Variants in PDE6C observed in about 807,000 individuals in gnomAD.
The protein encoded by PDE6C is phosphodiesterase 6C, also known as cone cGMP-specific 3',5'-cyclic phosphodiesterase subunit alpha'.
Under a neutral mutation model 113.1 loss-of-function variants are expected in PDE6C, and 75 were observed. The observed-to-expected ratio is 0.66, with a 90% CI of 0.55 to 0.80. The LOEUF (loss-of-function observed/expected upper bound fraction) is 0.80. Ranked by LOEUF, PDE6C falls within the 30% of genes least tolerant of loss-of-function variation. The pLI, the probability that PDE6C is intolerant of heterozygous loss-of-function variation, is 0.00. For synonymous variants in PDE6C, 375 were observed against 363.7 expected (o/e 1.03, Z -0.35); for missense variants, 912 against 1,038.6 (o/e 0.88, Z 1.67).
At chr10:93,635,404 A>G (rs2058523381) in intron 9 of PDE6C, 93 bp from the exon 10 acceptor site, 5 of 942,530 alleles carry the variant, frequency 5.3e-6, no homozygotes, top group South Asian at 1.3e-5. Context: ...TTGATGATGG[A>G]AGGGAGATGG....
intron 15 of PDE6C, among the ~76,000 whole-genome samples, chr10:93,646,416 T>C (rs756048411): frequency 7.2e-5 from 11 of 152,202 alleles, no homozygotes; most frequent in South Asian, 2.1e-4. Flanking sequence ...CTTTAGAGCA[T>C]GGTCTATGCC....
intron 11 of PDE6C, among the ~76,000 whole-genome samples, chr10:93,639,387 C>T (rs1012360430): frequency 1.3e-5 from 2 of 152,208 alleles, no homozygotes; most frequent in Admixed American, 6.5e-5. Flanking sequence ...TTTCTCAAGT[C>T]GCACCAATGC....
At chr10:93,662,459 TCAA>T (rs2058670318) in intron 19 of PDE6C, 98 bp from the exon 20 acceptor site, 1 of 424,952 alleles carries the variant, frequency 2.4e-6, no homozygotes, top group Admixed American at 4.3e-5. Context: ...AGACTCTGCC[TCAA>T]AAAAAAAAAA....
In PDE6C at chr10:93,640,172, T is replaced by C; in HGVS notation, c.1585T>C (p.Phe529Leu). ...HGLIKCGIRL[F>L]FEINVVEKFK... is the part of the protein sequence containing the mutation. ...ATTGATTAAATGTGGAATACGACTGTTTTTTGAAATAAATGTGGTGGAGAA... is the reference window on the plus strand; with the variant it reads ...ATTGATTAAATGTGGAATACGACTGCTTTTTGAAATAAATGTGGTGGAGAA... Residue 529 changes from phenylalanine to leucine, a missense_variant, in exon 12 of 22, where the codon TTT (phenylalanine) becomes CTT (leucine). By Grantham distance (22) the Phe-to-Leu change is conservative (BLOSUM62 0). Transcript: ENST00000371447. 1 of 1,613,536 alleles carries C rather than the reference T, an allele frequency of 6.2e-7. No homozygotes were observed. Among genetic ancestry groups the C allele is most frequent in the African/African-American group, 1.3e-5 (1 of 75,016 alleles).
rs550785384 is a variant in PDE6C at position 93,641,830 on chromosome 10, G to A, written c.1847+801G>A. On this transcript the variant is annotated intron_variant, in intron 14 of 21. Transcript: ENST00000371447. ...TCAGCTGGTCTTCCATCTTAACATC[G>A]ATGCCATCTTTCTCTCTTGCCCCAA... Among the ~76,000 whole-genome samples, 3 of 152,038 alleles carry A rather than the reference G, an allele frequency of 2.0e-5. No individual in the cohort carries two copies. The East Asian group carries it at 5.8e-4, about 29-fold the overall frequency.
intron 15 of PDE6C, among the ~76,000 whole-genome samples, chr10:93,650,865 A>G (rs10882291): frequency 0.47 from 70,502 of 148,598 alleles, 17,316 homozygotes; most frequent in South Asian, 0.56. Flanking sequence ...ACTTTTTCCC[A>G]CATGTCTGTT....
intron 1 of PDE6C, among the ~76,000 whole-genome samples, chr10:93,615,748 T>C (rs990151821): frequency 6.6e-6 from 1 of 152,226 alleles, no homozygotes; most frequent in Non-Finnish European, 1.5e-5. Flanking sequence ...TGAAAACCAC[T>C]GGTCTCTTGG....
At chr10:93,640,618 GA>G in intron 13 of PDE6C, 61 bp downstream of exon 13, 4 of 1,142,396 alleles carry the variant, frequency 3.5e-6, no homozygotes, top group Non-Finnish European at 5.3e-6. Flanking sequence ...AGCATGATGA[GA>G]AATAGGTATG....
rs535191090 is a variant in PDE6C, at chr10:93,620,628, T to A, written c.481-4T>A. The A allele has an allele frequency of 9.3e-5, 150 of 1,613,920 alleles. No individual in the cohort carries two copies. Among genetic ancestry groups the A allele is most frequent in the Non-Finnish European group, 1.2e-4 (146 of 1,179,934 alleles). ...TTTGACAAATATGTGACTGTCTCTT[T>A]CAGAACAGCCATTTTTCTGACTTCA... On this transcript the variant is annotated splice_polypyrimidine_tract_variant and splice_region_variant and intron_variant, in intron 1 of 21. Transcript: ENST00000371447.
intron 15 of PDE6C, among the ~76,000 whole-genome samples, chr10:93,654,770 CTT>C (rs1311991455): frequency 4.3e-5 from 2 of 46,950 alleles, no homozygotes; most frequent in Non-Finnish European, 7.9e-5. Flanking sequence ...TTCTTTCTTT[CTT>C]TCTTTCTTTC....
At chr10:93,626,466 G>A (rs926666247) in intron 5 of PDE6C, among the ~76,000 whole-genome samples, 174 bp from the exon 6 acceptor site, 2 of 152,072 alleles carry the variant, frequency 1.3e-5, no homozygotes, top group Non-Finnish European at 2.9e-5. Flanking sequence ...AATATTTCTG[G>A]TTTTATTATA....
intron 16 of PDE6C, among the ~76,000 whole-genome samples, chr10:93,658,690 CTG>C (rs199800019): frequency 0.059 from 6,807 of 116,002 alleles, 166 homozygotes; most frequent in Middle Eastern, 0.11. Context: ...CTCTCTCTCT[CTG>C]TATGGTTTGT....
intron 1 of PDE6C, among the ~76,000 whole-genome samples, chr10:93,618,179 T>C (rs2058428903): frequency 6.6e-6 from 1 of 152,058 alleles, no homozygotes; most frequent in Non-Finnish European, 1.5e-5. Context: ...AAATTAAAAC[T>C]AGAAGCAAAA....
chr10:93,623,875 G>C (rs1031360895), intron 4 of PDE6C, among the ~76,000 whole-genome samples: 1 of 152,118 alleles, frequency 6.6e-6, no homozygotes, highest in Non-Finnish European at 1.5e-5. Flanking sequence ...TCTTAAGTCA[G>C]GTAGTGTCAG....
At chr10:93,653,008 T>A (rs1416903873) in intron 15 of PDE6C, among the ~76,000 whole-genome samples, 1 of 152,190 alleles carries the variant, frequency 6.6e-6, no homozygotes, top group Non-Finnish European at 1.5e-5. Context: ...CTTTTTTTCC[T>A]AGTATAGCAA....
chr10:93,662,921 C>A, intron 20 of PDE6C, 107 bp from the exon 21 acceptor site: 3 of 987,758 alleles, frequency 3.0e-6, no homozygotes, highest in Non-Finnish European at 4.7e-6. Flanking sequence ...CTTATCCTAG[C>A]AGCTCTGAGT....
intron 5 of PDE6C, among the ~76,000 whole-genome samples, chr10:93,625,958 T>C (rs1010582820): frequency 5.3e-5 from 8 of 152,204 alleles, no homozygotes; most frequent in African/African-American, 1.9e-4. Flanking sequence ...TGGGCCCTTC[T>C]TCAGATATGT....
At chr10:93,618,920 CT>C (rs1264546602) in intron 1 of PDE6C, among the ~76,000 whole-genome samples, 1 of 152,150 alleles carries the variant, frequency 6.6e-6, no homozygotes, top group African/African-American at 2.4e-5. Flanking sequence ...GTTTGTGCTG[CT>C]TTTAGAAGCA....
Position 93,640,907 on chromosome 10 carries a change from G to A in PDE6C, c.1738-13G>A, listed in dbSNP as rs552977703. On this transcript the variant is annotated splice_polypyrimidine_tract_variant and intron_variant, in intron 13 of 21. Transcript: ENST00000371447. Reference sequence around the variant, plus strand: ...ATAAATTATAGATATGCATATATATGTTATTTTTTTAGACAGGAAGATTAA... The same window carrying A: ...ATAAATTATAGATATGCATATATATATTATTTTTTTAGACAGGAAGATTAA... 6.7e-7 allele frequency: 1 copy of A among 1,500,476 alleles called. No individual in the cohort carries two copies. The highest frequency in any genetic ancestry group is 9.3e-7 in the Non-Finnish European group (1 of 1,076,490). 92.9% of individuals were successfully genotyped at this position (1,500,476 alleles called of 1,614,324 possible). A position where few individuals can be genotyped will look rare whatever the true frequency, so the allele number is the denominator to read the frequency against.
Sources: allele counts gnomAD v4.1 joint callset (sites outside exome capture counted in the v4.1 genomes callset), GRCh38; gene constraint gnomAD v4.1.1; transcripts MANE v1.5; gene names NCBI Gene and HGNC (gene_info 2026-07-23, HGNC 2026-07-21).